The following NLGN1 variants were observed in gnomAD, a reference collection of about 807,000 sequenced individuals.
NLGN1 encodes the protein neuroligin 1.
In NLGN1, 12 loss-of-function variants were observed where a neutral mutation model predicts 65.5. The observed-to-expected ratio is 0.18, with a 90% CI of 0.12 to 0.30. NLGN1 has a LOEUF of 0.30. Among genes scored for constraint, NLGN1 ranks in the 10% least tolerant of loss-of-function variants. The probability of loss-of-function intolerance (pLI) is 1.00; values close to 1 mark genes in which losing one functional copy is unlikely to be tolerated. For missense variants in NLGN1, 750 were observed against 1,007.1 expected (o/e 0.74, Z 3.46); for synonymous variants, 350 against 359.5 (o/e 0.97, Z 0.30).
chr3:173,747,518 A>G (rs4539964), intron 3 of NLGN1, among the ~76,000 whole-genome samples: 1 of 150,300 alleles, frequency 6.7e-6, no homozygotes, highest in Non-Finnish European at 1.5e-5. Flanking sequence ...TTGTCCCTGC[A>G]TTGTTGATTG....
chr3:173,673,890 G>C (rs1762785712), intron 3 of NLGN1, among the ~76,000 whole-genome samples: 1 of 152,050 alleles, frequency 6.6e-6, no homozygotes, highest in Non-Finnish European at 1.5e-5. Context: ...CCAAGCATAG[G>C]GGCTCAAAGG....
chr3:173,735,219 A>G lies in NLGN1; in HGVS notation c.494-72461A>G, dbSNP rs146495471. ...TCACTCAAATTCCAACTACTGTTTT[A>G]AAAAGTAACAACCAAAATGCAAAGT... On this transcript the variant is annotated intron_variant, in intron 3 of 6. Coordinates refer to ENST00000457714, the Ensembl canonical transcript of NLGN1. Among the ~76,000 whole-genome samples, 729 of 152,266 alleles carry G rather than the reference A, an allele frequency of 4.8e-3. 5 individuals carry two copies. The highest frequency in any genetic ancestry group is 0.017 in the African/African-American group (703 of 41,546).
chr3:173,568,100 A>T (rs1215834489), intron 2 of NLGN1, among the ~76,000 whole-genome samples: 1 of 152,134 alleles, frequency 6.6e-6, no homozygotes, highest in Non-Finnish European at 1.5e-5. Context: ...TTTAGTGACA[A>T]CACTTAAAAT....
intron 3 of NLGN1, among the ~76,000 whole-genome samples, chr3:173,692,735 A>G (rs780774079): frequency 2.8e-4 from 42 of 152,258 alleles, no homozygotes; most frequent in Non-Finnish European, 4.3e-4. Flanking sequence ...ATAATACGTT[A>G]TACTTAAAAG....
chr3:174,061,298 G>C (rs185034893), intron 4 of NLGN1, among the ~76,000 whole-genome samples: 1 of 152,222 alleles, frequency 6.6e-6, no homozygotes, highest in East Asian at 1.9e-4. Context: ...TAATAACTGG[G>C]TTAGCAATAG....
At chr3:174,281,444 T>A in exon 7 of NLGN1, 4 of 630,304 alleles carry the variant, frequency 6.3e-6, no homozygotes, top group Non-Finnish European at 8.3e-6. Context: ...ACTTTGGGGG[T>A]TTTGAAAAAA....
At chr3:173,694,110 G>T (rs1193254084) in intron 3 of NLGN1, among the ~76,000 whole-genome samples, 1 of 152,048 alleles carries the variant, frequency 6.6e-6, no homozygotes, top group Non-Finnish European at 1.5e-5. Flanking sequence ...AGACCGACCA[G>T]CTCTGTTAGT....
chr3:174,038,663 G>C (rs1034182523), intron 4 of NLGN1, among the ~76,000 whole-genome samples: 4 of 152,104 alleles, frequency 2.6e-5, no homozygotes, highest in African/African-American at 9.7e-5. Context: ...TCCATACCTG[G>C]TTAACTTAAG....
chr3:174,248,900 T>G (rs1175837977), intron 4 of NLGN1, among the ~76,000 whole-genome samples: 2 of 152,248 alleles, frequency 1.3e-5, no homozygotes, highest in Admixed American at 1.3e-4. Context: ...TCGAGTTTTT[T>G]AATACTACTT....
At chr3:174,111,422 G>A (rs2140821) in intron 4 of NLGN1, among the ~76,000 whole-genome samples, 41,876 of 151,708 alleles carry the variant, frequency 0.28, 7,513 homozygotes, top group African/African-American at 0.52. Context: ...TCCTTTCCCA[G>A]TTTTTAAAGG....
intron 3 of NLGN1, among the ~76,000 whole-genome samples, chr3:173,761,473 A>G (rs549299987): frequency 1.3e-5 from 2 of 152,196 alleles, no homozygotes; most frequent in East Asian, 3.9e-4. Context: ...TCCAAAATAC[A>G]GTTCAACTGA....
chr3:174,028,078 T>C (rs1207438197), intron 4 of NLGN1, among the ~76,000 whole-genome samples: 1 of 152,166 alleles, frequency 6.6e-6, no homozygotes. Context: ...TCTTCTGTTA[T>C]GATTGTGAGG....
chr3:174,069,479 G>A (rs1283874141), intron 4 of NLGN1, among the ~76,000 whole-genome samples: 1 of 152,188 alleles, frequency 6.6e-6, no homozygotes, highest in African/African-American at 2.4e-5. Context: ...ATAAGGAAAG[G>A]AATGTCCTAG....
chr3:173,406,015 A>G (rs772768694), intron 1 of NLGN1, among the ~76,000 whole-genome samples: 3 of 152,132 alleles, frequency 2.0e-5, no homozygotes, highest in Admixed American at 1.3e-4. Context: ...TAAAATATAT[A>G]ACATGTATCA....
At chr3:173,939,063 A>G (rs1264111854) in intron 4 of NLGN1, among the ~76,000 whole-genome samples, 1 of 152,262 alleles carries the variant, frequency 6.6e-6, no homozygotes, top group Non-Finnish European at 1.5e-5. Flanking sequence ...TGCAAGCCAT[A>G]GCAAAAGGTT....
chr3:173,506,885 TTTTAAAAGAAAGGTCA>T (rs1437499812), intron 2 of NLGN1, among the ~76,000 whole-genome samples: 214 of 152,238 alleles, frequency 1.4e-3, no homozygotes, highest in African/African-American at 4.8e-3. Context: ...AGACTCTAGT[TTTTAAAAGAAAGGTCA>T]AAATGAAAAA....
intron 4 of NLGN1, among the ~76,000 whole-genome samples, chr3:174,117,553 G>A (rs577802445): frequency 3.3e-5 from 5 of 151,676 alleles, no homozygotes; most frequent in Admixed American, 6.6e-5. Context: ...CCCGGGAGGC[G>A]GAGTTGGCAG....
At chr3:173,501,935 C>G (rs1214236043) in intron 2 of NLGN1, among the ~76,000 whole-genome samples, 1 of 151,978 alleles carries the variant, frequency 6.6e-6, no homozygotes, top group Admixed American at 6.6e-5. Flanking sequence ...CAGTCATGGT[C>G]TTATAATAAT....
chr3:173,733,203 G>A (rs1773148801), intron 3 of NLGN1, among the ~76,000 whole-genome samples: 1 of 152,114 alleles, frequency 6.6e-6, no homozygotes, highest in African/African-American at 2.4e-5. Context: ...TTGAGTGAGT[G>A]GGAAGATCCA....
Sources: allele counts gnomAD v4.1 joint callset (sites outside exome capture counted in the v4.1 genomes callset), GRCh38; gene constraint gnomAD v4.1.1; transcripts MANE v1.5; gene names NCBI Gene and HGNC (gene_info 2026-07-23, HGNC 2026-07-21).